The following GALK2 variants were observed in gnomAD, a reference collection of about 807,000 sequenced individuals.
GALK2 encodes N-acetylgalactosamine kinase.
Under a neutral mutation model 52.4 loss-of-function variants are expected in GALK2, and 36 were observed. That is an observed-to-expected ratio of 0.69 (90% CI 0.53 to 0.91). GALK2 has a LOEUF of 0.91. Among genes scored for constraint, GALK2 ranks in the 40% least tolerant of loss-of-function variants. The pLI, the probability that GALK2 is intolerant of heterozygous loss-of-function variation, is 0.00. For synonymous variants in GALK2, 176 were observed against 199.1 expected, an observed-to-expected ratio of 0.88 and a Z score of 0.98; for missense variants, 579 against 559.1, an observed-to-expected ratio of 1.04 and a Z score of -0.36.
chr15:49,166,109 A>G (rs938720513), upstream of GALK2, among the ~76,000 whole-genome samples: 1 of 152,046 alleles, frequency 6.6e-6, no homozygotes, highest in African/African-American at 2.4e-5. Flanking sequence ...TGTATTTCTA[A>G]AAACTTTCAA....
intron 3 of GALK2, chr15:49,364,991 C>T: frequency 2.4e-6 from 1 of 421,258 alleles, no homozygotes; most frequent in Non-Finnish European, 4.3e-6. Context: ...ACTGTCAGTA[C>T]CAGCTCATAA....
chr15:49,332,091 A>C (rs1325095532), downstream of GALK2, among the ~76,000 whole-genome samples: 300 of 73,158 alleles, frequency 4.1e-3, 2 homozygotes, highest in Middle Eastern at 0.02. Context: ...CACGTGCCAC[A>C]CACACACACA....
chr15:49,268,293 A>T (rs1449831665), intron 5 of GALK2, among the ~76,000 whole-genome samples: 1 of 152,206 alleles, frequency 6.6e-6, no homozygotes, highest in Non-Finnish European at 1.5e-5. Context: ...GGAGAACCCA[A>T]TTTAAATGGG....
rs774458462 is a variant in GALK2, at chr15:49,319,660, G to A, written c.1024G>A (p.Val342Met). ...GCATGTGTACAGCGAGGCTGCGCGA[G>A]TGCTCCAGTTTAAGAAGATATGTGA... is the stretch of plus-strand genomic sequence containing the variant. ...AKHVYSEAAR[V>M]LQFKKICEEA... The change falls in exon 9 of 10, where the codon GTG becomes ATG. Residue 342 changes from valine to methionine, a missense_variant. Coordinates refer to ENST00000560031, the MANE Select transcript of GALK2 (RefSeq NM_002044.4). 5.0e-6 allele frequency: 8 copies of A among 1,614,154 alleles called. No homozygotes were observed. In the East Asian group the frequency reaches 6.7e-5, roughly 13 times the overall value.
intron 5 of GALK2, among the ~76,000 whole-genome samples, chr15:49,272,461 G>A (rs2030834470): frequency 6.6e-6 from 1 of 152,162 alleles, no homozygotes; most frequent in Non-Finnish European, 1.5e-5. Flanking sequence ...TTGTTAAGTT[G>A]CAGATTCTGA....
intron 1 of GALK2, among the ~76,000 whole-genome samples, chr15:49,175,836 C>A (rs960025426): frequency 2.0e-5 from 3 of 152,102 alleles, no homozygotes; most frequent in Admixed American, 6.5e-5. Flanking sequence ...TGTGAAGATC[C>A]CTGTCCTGTT....
chr15:49,337,648 T>G (rs1253489481), intron 3 of GALK2, among the ~76,000 whole-genome samples: 1 of 151,672 alleles, frequency 6.6e-6, no homozygotes, highest in Non-Finnish European at 1.5e-5. Context: ...CTACATTAGG[T>G]ATTTCTCCTA....
In GALK2 at chr15:49,299,812, G is replaced by GTTCTTTCTTT. The variant is rs1555428444; in HGVS notation, c.967+7275_967+7276insTTCTTTCTTT. On this transcript the variant is annotated intron_variant, in intron 8 of 9. Coordinates refer to ENST00000560031, the MANE Select transcript of GALK2 (RefSeq NM_002044.4). ...CTTTCTTTCGTGCTGTAGTCTGAGA[G>GTTCTTTCTTT]CGTGATTGGTATGATTTTTTTTTTA... Among the ~76,000 whole-genome samples, 345 of 128,008 alleles carry GTTCTTTCTTT rather than the reference G, an allele frequency of 2.7e-3. 2 individuals are homozygous for GTTCTTTCTTT. The highest frequency in any genetic ancestry group is 4.7e-3 in the African/African-American group (152 of 32,166). 84.0% of individuals were successfully genotyped at this position (128,008 alleles called of 152,430 possible). A position where few individuals can be genotyped will look rare whatever the true frequency, so the allele number is the denominator to read the frequency against.
Position 49,222,682 on chromosome 15 carries a change from G to A in GALK2, c.266+5369G>A, listed in dbSNP as rs187614810. Among the ~76,000 whole-genome samples, 331 of 152,246 alleles carry A rather than the reference G, an allele frequency of 2.2e-3. 2 individuals carry two copies. Among genetic ancestry groups the A allele is most frequent in the African/African-American group, 7.4e-3 (309 of 41,540 alleles). ...TTTCTGTCCTTTATTCTACTGATGC[G>A]ATGTGTCACATTTAGTGATTTGTGT... On this transcript the variant is annotated intron_variant, in intron 3 of 9. Coordinates refer to ENST00000560031, the MANE Select transcript of GALK2 (RefSeq NM_002044.4).
chr15:49,337,599 A>T (rs918333260), intron 3 of GALK2, among the ~76,000 whole-genome samples: 5 of 143,626 alleles, frequency 3.5e-5, no homozygotes, highest in African/African-American at 1.3e-4. Flanking sequence ...ATAGGTATAC[A>T]TGTGCCATGG....
At chr15:49,336,732 G>C (rs900808042), downstream of GALK2, among the ~76,000 whole-genome samples, 4 of 151,888 alleles carry the variant, frequency 2.6e-5, no homozygotes, top group African/African-American at 9.7e-5. Flanking sequence ...TTAGATCCAG[G>C]GGTTACATGG....
upstream of GALK2, among the ~76,000 whole-genome samples, chr15:49,165,445 C>T (rs901122699): frequency 2.6e-5 from 4 of 152,168 alleles, no homozygotes; most frequent in African/African-American, 9.7e-5. Flanking sequence ...CCTTGAGTGC[C>T]TGCTCAACAC....
At chr15:49,227,542 A>G (rs2090202485) in intron 3 of GALK2, among the ~76,000 whole-genome samples, 1 of 151,092 alleles carries the variant, frequency 6.6e-6, no homozygotes, top group Non-Finnish European at 1.5e-5. Context: ...AAGAGGTTTT[A>G]TTTTTGTAGG....
intron 5 of GALK2, among the ~76,000 whole-genome samples, chr15:49,274,509 GA>G (rs2141709075): frequency 6.6e-6 from 1 of 152,320 alleles, no homozygotes; most frequent in East Asian, 1.9e-4. Flanking sequence ...CGCAGGACAT[GA>G]CTGTACACTA....
chr15:49,244,739 A>C (rs1660376163), intron 5 of GALK2, among the ~76,000 whole-genome samples: 1 of 152,198 alleles, frequency 6.6e-6, no homozygotes, highest in Non-Finnish European at 1.5e-5. Flanking sequence ...GTATTTGTAG[A>C]ACATAAGGGG....
At chr15:49,170,681 A>T in intron 1 of GALK2, 2 of 318,038 alleles carry the variant, frequency 6.3e-6, no homozygotes, top group Non-Finnish European at 1.2e-5. Flanking sequence ...CCATATCCAC[A>T]CTGAACTCCT....
At chr15:49,294,379 A>AAAT (rs2034260424) in intron 8 of GALK2, among the ~76,000 whole-genome samples, 1 of 152,108 alleles carries the variant, frequency 6.6e-6, no homozygotes, top group African/African-American at 2.4e-5. Context: ...TGTTTCTTGA[A>AAAT]AATAATGTAC....
intron 8 of GALK2, among the ~76,000 whole-genome samples, chr15:49,295,008 A>T (rs376945033): frequency 6.6e-6 from 1 of 152,188 alleles, no homozygotes; most frequent in East Asian, 1.9e-4. Context: ...AAGGATGCCA[A>T]TTAGGAAACT....
chr15:49,308,379 C>G (rs1226580209), intron 8 of GALK2, among the ~76,000 whole-genome samples: 1 of 152,164 alleles, frequency 6.6e-6, no homozygotes, highest in East Asian at 1.9e-4. Flanking sequence ...CTCACTCAAA[C>G]AGTGGGAAAA....
Sources: allele counts gnomAD v4.1 joint callset (sites outside exome capture counted in the v4.1 genomes callset), GRCh38; gene constraint gnomAD v4.1.1; transcripts MANE v1.5; gene names NCBI Gene and HGNC (gene_info 2026-07-23, HGNC 2026-07-21).